NAA15: variants seen among roughly 807,000 people sequenced by gnomAD.
The protein encoded by NAA15 is N-terminal acetyltransferase.
NAA15 carries 34 observed loss-of-function variants against 114.0 expected under a neutral mutation model. The observed-to-expected ratio is 0.30, with a 90% CI of 0.23 to 0.40. The LOEUF is 0.40. NAA15 is among the 10% of genes least tolerant of loss of function. The probability of loss-of-function intolerance (pLI) is 1.00; values close to 1 mark genes in which losing one functional copy is unlikely to be tolerated. For synonymous variants in NAA15, 340 were observed against 338.0 expected (o/e 1.01, Z -0.06); for missense variants, 658 against 1,004.5 (o/e 0.66, Z 4.66).
chr4:139,366,143 C>G (rs1748276791), intron 14 of NAA15, among the ~76,000 whole-genome samples: 1 of 151,706 alleles, frequency 6.6e-6, no homozygotes, highest in Admixed American at 6.6e-5. Context: ...TAAATTAATC[C>G]CTAAATTTAG....
At chr4:139,337,860 G>T (rs534546756) in intron 3 of NAA15, among the ~76,000 whole-genome samples, 1 of 152,302 alleles carries the variant, frequency 6.6e-6, no homozygotes, top group African/African-American at 2.4e-5. Context: ...TACATAAGAT[G>T]TTATGGTTTA....
chr4:139,350,865 G>A (rs1747756766), intron 7 of NAA15, among the ~76,000 whole-genome samples: 1 of 151,850 alleles, frequency 6.6e-6, no homozygotes, highest in South Asian at 2.1e-4. Context: ...GAGGAGAGGA[G>A]TTAGAGGGGA....
At chr4:139,375,204 TG>T (rs1203049380) in intron 15 of NAA15, among the ~76,000 whole-genome samples, 1 of 152,190 alleles carries the variant, frequency 6.6e-6, no homozygotes. Context: ...TACAAATGTG[TG>T]GGGAAGTCGT....
intron 1 of NAA15, among the ~76,000 whole-genome samples, chr4:139,306,652 T>C (rs1170988797): frequency 6.6e-6 from 1 of 152,146 alleles, no homozygotes; most frequent in Non-Finnish European, 1.5e-5. Context: ...ACTTTTAACT[T>C]ATTTGGAAAA....
rs190048787 is a variant in NAA15 at position 139,354,047 on chromosome 4, G to A, written c.1036G>A (p.Val346Ile). 6.2e-7 allele frequency: 1 copy of A among 1,613,674 alleles called. No individual in the cohort carries two copies. The highest frequency in any genetic ancestry group is 2.2e-5 in the East Asian group (1 of 44,814). Residue 346 changes from valine to isoleucine, a missense_variant, in exon 10 of 20, where the codon GTA becomes ATA. Val to Ile is a conservative substitution (Grantham distance 29). Transcript: ENST00000296543. ...KEKVAIIEELVVGYETSLKSC... is the reference protein window; with the variant it reads ...KEKVAIIEELIVGYETSLKSC... Reference sequence around the variant, plus strand: ...CTAGGTGGCAATCATAGAAGAGTTAGTAGTAGGTTATGAAACCTCTCTAAA... The same window carrying A: ...CTAGGTGGCAATCATAGAAGAGTTAATAGTAGGTTATGAAACCTCTCTAAA...
intron 1 of NAA15, among the ~76,000 whole-genome samples, chr4:139,310,074 T>G (rs1746165225): frequency 6.6e-6 from 1 of 152,180 alleles, no homozygotes; most frequent in South Asian, 2.1e-4. Context: ...CTCTCCTTAG[T>G]GTGCAGTCTT....
At chr4:139,338,751 A>T (rs1473341100) in intron 3 of NAA15, among the ~76,000 whole-genome samples, 1 of 149,262 alleles carries the variant, frequency 6.7e-6, no homozygotes, top group Non-Finnish European at 1.5e-5. Context: ...CCTGGCCAAC[A>T]TTCTGTATTT....
chr4:139,381,638 G>A (rs553402599), intron 17 of NAA15, among the ~76,000 whole-genome samples: 14 of 151,020 alleles, frequency 9.3e-5, no homozygotes, highest in African/African-American at 3.4e-4. Context: ...TCACTTACTC[G>A]GTTGTACTAT....
intron 2 of NAA15, 32 bp from the exon 3 acceptor site, chr4:139,336,816 A>G (rs760026057): frequency 1.1e-5 from 14 of 1,301,998 alleles, no homozygotes; most frequent in Non-Finnish European, 1.4e-5. Context: ...TTTTTTTAAA[A>G]TGTTCCTTTT....
intron 14 of NAA15, among the ~76,000 whole-genome samples, chr4:139,365,441 A>G (rs1023584860): frequency 1.5e-4 from 23 of 152,170 alleles, no homozygotes; most frequent in African/African-American, 5.3e-4. Context: ...GCCTTTTACC[A>G]TGACTCTGAG....
At chr4:139,380,911 T>C (rs117776316) in intron 17 of NAA15, among the ~76,000 whole-genome samples, 5 of 152,276 alleles carry the variant, frequency 3.3e-5, no homozygotes, top group East Asian at 3.9e-4. Flanking sequence ...TTTGGTACTT[T>C]AAAAAAATAT....
intron 1 of NAA15, among the ~76,000 whole-genome samples, chr4:139,333,032 C>G (rs1321794754): frequency 6.6e-6 from 1 of 152,136 alleles, no homozygotes; most frequent in Non-Finnish European, 1.5e-5. Context: ...CTCTTGTATA[C>G]TGTAAATTAT....
At chr4:139,344,121 T>A (rs1579109361) in intron 5 of NAA15, 65 bp from the exon 6 acceptor site, 2 of 1,383,860 alleles carry the variant, frequency 1.4e-6, no homozygotes, top group East Asian at 4.8e-5. Flanking sequence ...TTTTGAGTAT[T>A]GTGAACAATT....
chr4:139,313,655 C>T (rs949163163), intron 1 of NAA15, among the ~76,000 whole-genome samples: 1 of 151,476 alleles, frequency 6.6e-6, no homozygotes, highest in African/African-American at 2.4e-5. Flanking sequence ...AGTGATTCTC[C>T]TGCCTCAGCC....
At chr4:139,366,646 T>C (rs1382787135) in intron 14 of NAA15, among the ~76,000 whole-genome samples, 1 of 151,796 alleles carries the variant, frequency 6.6e-6, no homozygotes, top group Non-Finnish European at 1.5e-5. Context: ...TCTCACTCTG[T>C]CTTCCAGGCT....
intron 1 of NAA15, among the ~76,000 whole-genome samples, chr4:139,306,813 C>T (rs1746038890): frequency 6.6e-6 from 1 of 152,128 alleles, no homozygotes; most frequent in Non-Finnish European, 1.5e-5. Context: ...ACAAAATCCA[C>T]ACCTTAGATT....
At chr4:139,315,092 T>C (rs563622621) in intron 1 of NAA15, among the ~76,000 whole-genome samples, 1 of 147,522 alleles carries the variant, frequency 6.8e-6, no homozygotes, top group East Asian at 2.0e-4. Flanking sequence ...AGACGGAGTC[T>C]CGCTCTTTCA....
chr4:139,341,902 A>G (rs564595593), intron 4 of NAA15, among the ~76,000 whole-genome samples: 8 of 151,650 alleles, frequency 5.3e-5, no homozygotes, highest in South Asian at 2.1e-4. Context: ...TTTATATTCT[A>G]ATAGAGATGA....
At chr4:139,325,720 C>T (rs1352493117) in intron 1 of NAA15, among the ~76,000 whole-genome samples, 1 of 152,196 alleles carries the variant, frequency 6.6e-6, no homozygotes, top group African/African-American at 2.4e-5. Context: ...ACCATCACGG[C>T]TCACTGCAGC....
Sources: gnomAD v4.1 joint callset for allele counts (sites outside exome capture counted in the v4.1 genomes callset) on GRCh38, gnomAD v4.1.1 for gene constraint, MANE v1.5 for transcripts, NCBI Gene and HGNC (gene_info 2026-07-23, HGNC 2026-07-21) for gene names.